Variants in SIPA1L1 observed in about 807,000 individuals in gnomAD.
SIPA1L1 encodes signal-induced proliferation-associated 1-like protein 1.
SIPA1L1 carries 26 observed loss-of-function variants against 162.7 expected under a neutral mutation model. That is an observed-to-expected ratio of 0.16 (90% CI 0.12 to 0.22). The LOEUF is 0.22. Ranked by LOEUF, SIPA1L1 falls within the 10% of genes least tolerant of loss-of-function variation. SIPA1L1 has a pLI of 1.00. For missense variants in SIPA1L1, 1,874 were observed against 2,241.0 expected, an observed-to-expected ratio of 0.84 and a Z score of 3.31; for synonymous variants, 829 against 837.4, an observed-to-expected ratio of 0.99 and a Z score of 0.17.
intron 4 of SIPA1L1, among the ~76,000 whole-genome samples, chr14:71,561,766 T>C (rs1415880464): frequency 6.6e-6 from 1 of 152,222 alleles, no homozygotes; most frequent in Non-Finnish European, 1.5e-5. Flanking sequence ...TTTGTATTTT[T>C]AGTAGAGACG....
At chr14:71,422,717 C>T (rs1278383788) in intron 2 of SIPA1L1, among the ~76,000 whole-genome samples, 1 of 152,216 alleles carries the variant, frequency 6.6e-6, no homozygotes, top group African/African-American at 2.4e-5. Flanking sequence ...TTTTGCTTAT[C>T]CATTCATCCA....
At chr14:71,344,500 G>A (rs899051224) in intron 2 of SIPA1L1, among the ~76,000 whole-genome samples, 1 of 152,126 alleles carries the variant, frequency 6.6e-6, no homozygotes, top group Non-Finnish European at 1.5e-5. Context: ...TGGACCCAGG[G>A]CTTCTTACAA....
chr14:71,338,446 G>A (rs1008852295), intron 2 of SIPA1L1, among the ~76,000 whole-genome samples: 4 of 152,186 alleles, frequency 2.6e-5, no homozygotes, highest in Non-Finnish European at 5.9e-5. Flanking sequence ...GTGATAGGCT[G>A]TGTCCCATCG....
chr14:71,428,589 A>C (rs995135261), intron 2 of SIPA1L1, among the ~76,000 whole-genome samples: 2 of 152,100 alleles, frequency 1.3e-5, no homozygotes, highest in Admixed American at 1.3e-4. Context: ...TAAAAGGGGT[A>C]AAGAGAAAAT....
chr14:71,533,995 G>A (rs1173254298), intron 4 of SIPA1L1, among the ~76,000 whole-genome samples: 2 of 151,970 alleles, frequency 1.3e-5, no homozygotes, highest in African/African-American at 4.8e-5. Context: ...AGGCCAAGGT[G>A]GGAGGATTGC....
chr14:71,555,010 C>T (rs1246344896), intron 4 of SIPA1L1, among the ~76,000 whole-genome samples: 5 of 151,850 alleles, frequency 3.3e-5, no homozygotes, highest in African/African-American at 1.2e-4. Flanking sequence ...AAATTAATAC[C>T]TCTTATTTTT....
chr14:71,593,499 C>A (rs1366675609), intron 5 of SIPA1L1, among the ~76,000 whole-genome samples: 3 of 152,118 alleles, frequency 2.0e-5, no homozygotes. Flanking sequence ...GCGTGAGCCA[C>A]CGTACCTGGC....
At chr14:71,385,845 G>A (rs1377369248) in intron 2 of SIPA1L1, among the ~76,000 whole-genome samples, 3 of 151,762 alleles carry the variant, frequency 2.0e-5, no homozygotes, top group African/African-American at 7.3e-5. Flanking sequence ...GTGCCACCAC[G>A]CCCAGCTAAT....
intron 2 of SIPA1L1, among the ~76,000 whole-genome samples, chr14:71,365,351 A>G (rs1010883473): frequency 1.3e-4 from 20 of 151,984 alleles, no homozygotes; most frequent in Non-Finnish European, 2.2e-4. Flanking sequence ...TTGCCTACCT[A>G]TGCTGTGCCC....
chr14:71,483,552 G>GT (rs976683047), intron 2 of SIPA1L1, among the ~76,000 whole-genome samples: 2 of 152,134 alleles, frequency 1.3e-5, no homozygotes, highest in African/African-American at 4.8e-5. Context: ...CAGCTTTATT[G>GT]TAATTTTAAC....
intron 17 of SIPA1L1, among the ~76,000 whole-genome samples, chr14:71,718,229 G>T (rs2083417077): frequency 6.6e-6 from 1 of 152,154 alleles, no homozygotes; most frequent in South Asian, 2.1e-4. Context: ...CTGAATTAGA[G>T]GCCCTGTGTA....
At chr14:71,330,545 T>G in intron 2 of SIPA1L1, 1 of 1,442,942 alleles carries the variant, frequency 6.9e-7, no homozygotes, top group South Asian at 1.1e-5. Flanking sequence ...GAGATGAAGA[T>G]GCCTAGCTGG....
At chr14:71,365,083 G>T (rs1029800533) in intron 2 of SIPA1L1, among the ~76,000 whole-genome samples, 8 of 151,872 alleles carry the variant, frequency 5.3e-5, no homozygotes, top group African/African-American at 1.7e-4. Context: ...CTGGAGTGTA[G>T]TAGTGCGATC....
intron 2 of SIPA1L1, among the ~76,000 whole-genome samples, chr14:71,478,146 T>G (rs1164417738): frequency 6.6e-6 from 1 of 152,208 alleles, no homozygotes; most frequent in Non-Finnish European, 1.5e-5. Flanking sequence ...TTCATATGCT[T>G]ACTTGCCATT....
chr14:71,733,911 G>A (rs1442352664), intron 21 of SIPA1L1, 99 bp downstream of exon 21: 4 of 1,268,228 alleles, frequency 3.2e-6, no homozygotes, highest in Non-Finnish European at 4.3e-6. Context: ...AAACATATGT[G>A]CCTCACCAGA....
intron 12 of SIPA1L1, among the ~76,000 whole-genome samples, chr14:71,679,120 A>G (rs536386718): frequency 3.3e-5 from 5 of 152,256 alleles, no homozygotes; most frequent in African/African-American, 1.2e-4. Context: ...GAGCAACTCC[A>G]AGACACATAA....
At chr14:71,478,922 G>A (rs895567267) in intron 2 of SIPA1L1, among the ~76,000 whole-genome samples, 6 of 151,658 alleles carry the variant, frequency 4.0e-5, no homozygotes, top group Non-Finnish European at 7.4e-5. Flanking sequence ...CCACCACCTT[G>A]GAATTGCCTT....
chr14:71,338,951 G>A (rs1272623768), intron 2 of SIPA1L1, among the ~76,000 whole-genome samples: 1 of 152,050 alleles, frequency 6.6e-6, no homozygotes, highest in African/African-American at 2.4e-5. Context: ...TGTTGGCCAG[G>A]CTGGTCTTGA....
rs181929530 is a variant in SIPA1L1, at chr14:71,465,767, C to T, written c.-464-46976C>T. On this transcript the variant is annotated intron_variant, in intron 2 of 23. Transcript: ENST00000381232. Reference sequence around the variant, plus strand: ...GGAGTTTATTAAGTATTAACTTACACGATCACAAGTTTCCACAATAGGCTG... The same window carrying T: ...GGAGTTTATTAAGTATTAACTTACATGATCACAAGTTTCCACAATAGGCTG... Among the ~76,000 whole-genome samples, 14 of 152,242 alleles carry T rather than the reference C, an allele frequency of 9.2e-5. No individual in the cohort carries two copies. In the East Asian group the frequency reaches 1.7e-3, roughly 19 times the overall value.
Sources: gnomAD v4.1 joint callset for allele counts (sites outside exome capture counted in the v4.1 genomes callset) on GRCh38, gnomAD v4.1.1 for gene constraint, MANE v1.5 for transcripts, NCBI Gene and HGNC (gene_info 2026-07-23, HGNC 2026-07-21) for gene names.